ZNF343: variants seen among roughly 807,000 people sequenced by gnomAD.
ZNF343 encodes zinc finger protein 343.
ZNF343 carries 11 observed loss-of-function variants against 13.8 expected under a neutral mutation model. The observed-to-expected ratio is 0.80, with a 90% CI of 0.50 to 1.32. The LOEUF is 1.32. Ranked by LOEUF, ZNF343 falls within the 40% of genes most tolerant of loss-of-function variation. The pLI is 0.00. For synonymous variants in ZNF343, 248 were observed against 260.0 expected (o/e 0.95, Z 0.44); for missense variants, 658 against 714.2 (o/e 0.92, Z 0.90).
rs1386298420 is a variant in ZNF343 at position 2,483,091 on chromosome 20, T to C, written c.*70A>G. 9 of 1,517,442 alleles carry C rather than the reference T, an allele frequency of 5.9e-6. No individual in the cohort carries two copies. The highest frequency in any genetic ancestry group is 4.1e-5 in the Admixed American group (2 of 48,538). 94.0% of individuals were successfully genotyped at this position (1,517,442 alleles called of 1,614,324 possible). On this transcript the variant is annotated 3_prime_UTR_variant, in exon 6 of 6. Transcript: ENST00000278772. Reference sequence around the variant, plus strand: ...AGGGTCTACTCCCCATGTGTCTCTCTGGGGTAACATGAGGCTTGACTGGTC... The same window carrying C: ...AGGGTCTACTCCCCATGTGTCTCTCCGGGGTAACATGAGGCTTGACTGGTC...
chr20:2,514,859 T>G (rs950141442), intron 1 of ZNF343, among the ~76,000 whole-genome samples: 2 of 151,992 alleles, frequency 1.3e-5, no homozygotes, highest in African/African-American at 4.8e-5. Flanking sequence ...TTTGGTGGCA[T>G]GCACCCATAG....
chr20:2,502,109 A>C (rs1336030656), intron 1 of ZNF343, among the ~76,000 whole-genome samples: 1 of 152,248 alleles, frequency 6.6e-6, no homozygotes, highest in Admixed American at 6.5e-5. Context: ...AATGCAGAGA[A>C]GTCCTTAAAA....
rs544824701 is a variant in ZNF343 at position 2,493,937 on chromosome 20, G to A, written c.-42C>T. On this transcript the variant is annotated 5_prime_UTR_variant, in exon 3 of 6. Transcript: ENST00000278772. ...CAGTGTGTGCCTTGAAATTCTGCCA[G>A]AGGTCCAGGTAGATGTTATTTCATC... The A allele has an allele frequency of 3.5e-5, 47 of 1,326,886 alleles. No individual in the cohort carries two copies. In the South Asian group the frequency reaches 5.3e-4, roughly 15 times the overall value. 82.2% of individuals were successfully genotyped at this position (1,326,886 alleles called of 1,614,324 possible).
chr20:2,489,096 G>A (rs537827364), intron 5 of ZNF343, among the ~76,000 whole-genome samples: 31 of 152,198 alleles, frequency 2.0e-4, no homozygotes, highest in African/African-American at 7.5e-4. Flanking sequence ...CACAGATTTC[G>A]TATTAGATAC....
Position 2,489,681 on chromosome 20 carries a change from T to C in ZNF343, c.304+3018A>G, listed in dbSNP as rs193000625. On this transcript the variant is annotated intron_variant, in intron 5 of 5. Coordinates refer to ENST00000278772, the MANE Select transcript of ZNF343 (RefSeq NM_024325.6). ...CAAGAGGTAATGTGAGAAATGAGCA[T>C]TTGCTATTATAAGCCACTAAAGTAT... Among the ~76,000 whole-genome samples, 374 of 152,304 alleles carry C rather than the reference T, an allele frequency of 2.5e-3. 4 individuals are homozygous for C. Among genetic ancestry groups the C allele is most frequent in the Admixed American group, 5.9e-3 (91 of 15,296 alleles).
chr20:2,491,294 A>G (rs2085362020), intron 5 of ZNF343, among the ~76,000 whole-genome samples: 1 of 152,190 alleles, frequency 6.6e-6, no homozygotes, highest in Non-Finnish European at 1.5e-5. Context: ...TAAAATACCT[A>G]ATTAATAAGT....
rs888058427 is a variant in ZNF343, at chr20:2,494,076, G to A, written c.-149-32C>T. ...GATGAAGAAGCAATTTGCTATTGCT[G>A]GGGCTTTTATTGTGGGCCCTAGGCC... On this transcript the variant is annotated intron_variant, in intron 2 of 5. Coordinates refer to ENST00000278772, the MANE Select transcript of ZNF343 (RefSeq NM_024325.6). The A allele has an allele frequency of 3.5e-5, 21 of 596,118 alleles. 1 individual carries two copies. The Middle Eastern group carries it at 1.8e-3, about 51-fold the overall frequency. The allele number at this position is 596,118 out of a possible 1,614,324, so 36.9% of individuals were successfully genotyped here. A position where few individuals can be genotyped will look rare whatever the true frequency, so the allele number is the denominator to read the frequency against.
chr20:2,499,486 A>AAAAAAG (rs2085523890), intron 2 of ZNF343, among the ~76,000 whole-genome samples: 1 of 147,054 alleles, frequency 6.8e-6, no homozygotes, highest in Non-Finnish European at 1.5e-5. Context: ...AAAAAAAAAA[A>AAAAAAG]AAAAAGAAAA....
chr20:2,516,621 T>G (rs1178919327), intron 1 of ZNF343, among the ~76,000 whole-genome samples: 1 of 151,920 alleles, frequency 6.6e-6, no homozygotes, highest in East Asian at 1.9e-4. Flanking sequence ...GGGTCTGGTT[T>G]AGCGTCAAGG....
intron 1 of ZNF343, among the ~76,000 whole-genome samples, chr20:2,505,266 AAGG>A (rs1343944785): frequency 1.3e-5 from 2 of 152,220 alleles, no homozygotes; most frequent in African/African-American, 2.4e-5. Context: ...GGACCTCTTC[AAGG>A]AGAACTACAA....
At position 2,484,366 on chromosome 20, in the gene ZNF343, T is replaced by G. The variant is rs200027154; in HGVS notation, c.595A>C (p.Arg199=). Residue 199 remains arginine, a synonymous_variant, in exon 6 of 6, where the codon AGA becomes CGA. Transcript: ENST00000278772. ...TSRAFPSPLQ[R]QSASPRKGNM... is the part of the protein sequence containing the mutation. ...CCTTTTCTAGGACTTGCTGACTGTC[T>G]TTGGAGTGGGCTGGGGAATGCCCTT... The G allele has an allele frequency of 1.1e-4, 173 of 1,614,250 alleles. 1 individual carries two copies. The East Asian group carries it at 3.8e-3, about 36-fold the overall frequency.
At chr20:2,512,017 A>G (rs1268198465), upstream of ZNF343, among the ~76,000 whole-genome samples, 1 of 152,262 alleles carries the variant, frequency 6.6e-6, no homozygotes, top group Admixed American at 6.5e-5. Flanking sequence ...AGTAAACACT[A>G]CATTTCTATA....
rs752995655 is a variant in ZNF343, at chr20:2,483,679, G to A, written c.1282C>T (p.Gln428Ter). The A allele has an allele frequency of 1.2e-5, 19 of 1,609,900 alleles. No individual in the cohort carries two copies. The East Asian group carries it at 4.0e-4, about 34-fold the overall frequency. ...GGCTTCTCATCCAAGTGTGTCCTCT[G>A]GTGTTTGATGAGATCTGAGTTCTGG... ...FSQNSDLIKH[Q>*]RTHLDEKPYV... Residue 428 changes from glutamine (Q) to a stop codon, truncating the protein, a stop_gained, in exon 6 of 6, where the codon CAG (glutamine) becomes TAG (stop). Transcript: ENST00000278772. LOFTEE classifies it low-confidence loss of function (END_TRUNC).
chr20:2,519,784 A>G (rs138917543), intron 1 of ZNF343, among the ~76,000 whole-genome samples: 4 of 152,300 alleles, frequency 2.6e-5, no homozygotes, highest in African/African-American at 9.6e-5. Context: ...CCTTAGTTGA[A>G]AGTGTGATTT....
At chr20:2,507,227 G>A (rs1029616428) in intron 1 of ZNF343, among the ~76,000 whole-genome samples, 1 of 146,280 alleles carries the variant, frequency 6.8e-6, no homozygotes, top group Non-Finnish European at 1.5e-5. Context: ...TCGCGCCACT[G>A]CACTCCAGCC....
In ZNF343 at chr20:2,493,868, C is replaced by A. The variant is rs781679987; in HGVS notation, c.28G>T (p.Gly10Ter). 6.2e-7 allele frequency: 1 copy of A among 1,613,906 alleles called. No individual in the cohort carries two copies. Among genetic ancestry groups the A allele is most frequent in the East Asian group, 2.2e-5 (1 of 44,864 alleles). MMLPYPSAL[G>*]DQYWEEILLP... ...AAAATCTCTTCCCAGTATTGATCTC[C>A]CAGTGCTGAAGGATAAGGCAACATC... Residue 10 changes from glycine to a stop codon, truncating the protein, a stop_gained, in exon 3 of 6, where the codon GGA becomes TGA. Transcript: ENST00000278772. LOFTEE classifies it high-confidence loss of function.
At chr20:2,524,024 G>T (rs76883248) in intron 1 of ZNF343, among the ~76,000 whole-genome samples, 1,601 of 148,114 alleles carry the variant, frequency 0.011, 26 homozygotes, top group African/African-American at 0.037. Context: ...GAGCCTCTTT[G>T]AAAATACTGC....
chr20:2,493,450 A>C, intron 4 of ZNF343, 69 bp downstream of exon 4: 1 of 1,410,740 alleles, frequency 7.1e-7, no homozygotes, highest in Non-Finnish European at 1.0e-6. Context: ...CAAGAAAGAG[A>C]ATATATGTCT....
intron 2 of ZNF343, among the ~76,000 whole-genome samples, chr20:2,494,663 G>A (rs1485308825): frequency 6.6e-6 from 1 of 152,002 alleles, no homozygotes; most frequent in East Asian, 1.9e-4. Context: ...CAGCTACTCA[G>A]CAGGCTGAGG....
Sources: allele counts gnomAD v4.1 joint callset (sites outside exome capture counted in the v4.1 genomes callset), GRCh38; gene constraint gnomAD v4.1.1; transcripts MANE v1.5; gene names NCBI Gene and HGNC (gene_info 2026-07-23, HGNC 2026-07-21).